RASGRF2: variants seen among roughly 807,000 people sequenced by gnomAD.
RASGRF2 encodes Ras protein specific guanine nucleotide releasing factor 2.
RASGRF2 carries 76 observed loss-of-function variants against 151.0 expected under a neutral mutation model. The ratio of observed to expected loss-of-function variants is 0.50; its 90% CI spans 0.42 to 0.61. RASGRF2 has a LOEUF of 0.61. RASGRF2 is among the 20% of genes least tolerant of loss of function. The probability of loss-of-function intolerance (pLI) is 0.00; values close to 1 mark genes in which losing one functional copy is unlikely to be tolerated. For synonymous variants in RASGRF2, 504 were observed against 566.5 expected, an observed-to-expected ratio of 0.89 and a Z score of 1.57; for missense variants, 1,148 against 1,564.6, an observed-to-expected ratio of 0.73 and a Z score of 4.49.
At chr5:81,046,369 C>T (rs561060523) in intron 2 of RASGRF2, among the ~76,000 whole-genome samples, 2 of 152,082 alleles carry the variant, frequency 1.3e-5, no homozygotes, top group African/African-American at 4.8e-5. Flanking sequence ...CATGTTTTCT[C>T]CTTTAGATCT....
At chr5:81,062,389 A>G (rs2112440887) in intron 2 of RASGRF2, among the ~76,000 whole-genome samples, 1 of 152,338 alleles carries the variant, frequency 6.6e-6, no homozygotes, top group East Asian at 1.9e-4. Flanking sequence ...TTAAACCTCT[A>G]TTGATTTATC....
chr5:81,059,350 C>T (rs1257286482), intron 2 of RASGRF2, among the ~76,000 whole-genome samples: 2 of 148,014 alleles, frequency 1.4e-5, no homozygotes, highest in African/African-American at 2.5e-5. Flanking sequence ...CACCACTGCA[C>T]TCCAGCCTGG....
chr5:81,113,698 C>T lies in RASGRF2; in HGVS notation c.2248C>T (p.Pro750Ser), dbSNP rs746553935. The T allele has an allele frequency of 1.9e-5, 30 of 1,613,072 alleles. No homozygotes were observed. Among genetic ancestry groups the T allele is most frequent in the Non-Finnish European group, 2.4e-5 (28 of 1,179,164 alleles). Residue 750 changes from proline to serine, a missense_variant, in exon 15 of 27, where the codon CCC becomes TCC. By Grantham distance (74) the Pro-to-Ser change is moderately conservative (BLOSUM62 -1). Transcript: ENST00000265080. Reference protein sequence around the residue: ...VRARKLSLTSPLNSKIGALDL... With the variant: ...VRARKLSLTSSLNSKIGALDL... ...GGCCAGAAAGCTGTCTTTGACTTCT[C>T]CCTTGAACTCAAAGATAGGAGCATT...
At chr5:81,187,906 T>C (rs560631130) in intron 18 of RASGRF2, among the ~76,000 whole-genome samples, 1 of 152,248 alleles carries the variant, frequency 6.6e-6, no homozygotes, top group African/African-American at 2.4e-5. Flanking sequence ...CAGTGTTGAA[T>C]TAGAGCACTG....
At chr5:81,175,253 G>A (rs988635623) in intron 17 of RASGRF2, among the ~76,000 whole-genome samples, 8 of 152,190 alleles carry the variant, frequency 5.3e-5, no homozygotes, top group African/African-American at 1.9e-4. Context: ...TGTGATGAAT[G>A]GCAATTGTTA....
intron 1 of RASGRF2, among the ~76,000 whole-genome samples, chr5:81,025,547 C>G (rs1330420794): frequency 6.6e-6 from 1 of 152,202 alleles, no homozygotes; most frequent in African/African-American, 2.4e-5. Flanking sequence ...AAATCTAACT[C>G]TTTTATGGCC....
intron 23 of RASGRF2, among the ~76,000 whole-genome samples, chr5:81,215,160 G>C (rs1358624050): frequency 3.3e-5 from 5 of 151,894 alleles, no homozygotes; most frequent in African/African-American, 1.2e-4. Flanking sequence ...CCAACATCGT[G>C]AAACTCTGTC....
At chr5:81,108,350 C>T (rs958911343) in intron 12 of RASGRF2, among the ~76,000 whole-genome samples, 5 of 132,290 alleles carry the variant, frequency 3.8e-5, no homozygotes, top group African/African-American at 5.3e-5. Context: ...CCTGAACTCT[C>T]CTCTTGGAAA....
intron 1 of RASGRF2, among the ~76,000 whole-genome samples, chr5:81,032,172 A>T (rs1177025613): frequency 6.6e-6 from 1 of 152,206 alleles, no homozygotes; most frequent in African/African-American, 2.4e-5. Context: ...CTACCAACCA[A>T]AAAAAGTCCA....
chr5:81,146,973 A>G (rs1004421861), intron 17 of RASGRF2, among the ~76,000 whole-genome samples: 2 of 152,314 alleles, frequency 1.3e-5, no homozygotes, highest in East Asian at 3.9e-4. Context: ...AATGAAATAC[A>G]TTGAGTAAAA....
At chr5:80,994,270 G>A (rs188084813) in intron 1 of RASGRF2, among the ~76,000 whole-genome samples, 158 of 151,370 alleles carry the variant, frequency 1.0e-3, no homozygotes, top group African/African-American at 3.6e-3. Flanking sequence ...GGAGGCTGAG[G>A]CAGGAGAATG....
At chr5:81,026,893 C>T (rs13187484) in intron 1 of RASGRF2, among the ~76,000 whole-genome samples, 46,600 of 152,056 alleles carry the variant, frequency 0.31, 7,588 homozygotes, top group Middle Eastern at 0.42. Flanking sequence ...TCAAAGTCAA[C>T]CAGCTTGTTG....
At chr5:81,200,843 T>G (rs1055181289) in intron 18 of RASGRF2, among the ~76,000 whole-genome samples, 2 of 152,000 alleles carry the variant, frequency 1.3e-5, no homozygotes, top group African/African-American at 4.8e-5. Flanking sequence ...GAAATACATG[T>G]ATGGAGGCGG....
intron 1 of RASGRF2, among the ~76,000 whole-genome samples, chr5:80,974,771 T>C (rs149245968): frequency 6.6e-6 from 1 of 152,188 alleles, no homozygotes; most frequent in African/African-American, 2.4e-5. Flanking sequence ...AAAGACTCTG[T>C]GGCAGCAAAC....
intron 18 of RASGRF2, among the ~76,000 whole-genome samples, chr5:81,200,831 T>C (rs886570066): frequency 6.6e-5 from 10 of 151,774 alleles, no homozygotes; most frequent in Admixed American, 2.6e-4. Context: ...AAAATATGAA[T>C]AGAAATACAT....
At chr5:81,034,489 C>A (rs1463535559) in intron 1 of RASGRF2, among the ~76,000 whole-genome samples, 1 of 151,974 alleles carries the variant, frequency 6.6e-6, no homozygotes, top group Admixed American at 6.6e-5. Flanking sequence ...GCTATAAAGA[C>A]ACATGCACAC....
chr5:81,055,570 G>A (rs1203946477), intron 2 of RASGRF2, among the ~76,000 whole-genome samples: 1 of 152,194 alleles, frequency 6.6e-6, no homozygotes, highest in East Asian at 1.9e-4. Flanking sequence ...GTTCATCAGG[G>A]ATATTGGTCT....
At chr5:81,213,616 T>G (rs991051443) in intron 23 of RASGRF2, among the ~76,000 whole-genome samples, 2 of 152,198 alleles carry the variant, frequency 1.3e-5, no homozygotes, top group Non-Finnish European at 2.9e-5. Context: ...GAGACACTCA[T>G]TATTTCTTTT....
At chr5:81,070,301 T>C in intron 3 of RASGRF2, 191 bp from the exon 4 acceptor site, 3 of 531,888 alleles carry the variant, frequency 5.6e-6, no homozygotes, top group South Asian at 4.2e-5. Flanking sequence ...ATAAACACTT[T>C]CATTGGTGAT....
Sources: allele counts gnomAD v4.1 joint callset (sites outside exome capture counted in the v4.1 genomes callset), GRCh38; gene constraint gnomAD v4.1.1; transcripts MANE v1.5; gene names NCBI Gene and HGNC (gene_info 2026-07-23, HGNC 2026-07-21).